Variants in ECT2L observed in about 807,000 individuals in gnomAD.
ECT2L encodes epithelial cell-transforming sequence 2 oncogene-like.
A neutral mutation model predicts 122.8 loss-of-function variants in ECT2L; 126 were observed. The ratio of observed to expected loss-of-function variants is 1.03; its 90% confidence interval spans 0.89 to 1.19. The LOEUF (loss-of-function observed/expected upper bound fraction) is 1.19, where lower values mean the gene tolerates loss of function less well. ECT2L is among the 50% of genes most tolerant of loss of function. The pLI, the probability that ECT2L is intolerant of heterozygous loss-of-function variation, is 0.00. For synonymous variants in ECT2L, 385 were observed against 381.8 expected (o/e 1.01, Z -0.10); for missense variants, 1,012 against 1,064.1 (o/e 0.95, Z 0.68).
intron 20 of ECT2L, among the ~76,000 whole-genome samples, chr6:138,892,137 T>C (rs899505322): frequency 2.0e-5 from 3 of 152,204 alleles, no homozygotes; most frequent in African/African-American, 4.8e-5. Context: ...CCCTACCCGA[T>C]ACCCCTACTT....
chr6:138,899,145 C>G (rs886322136), intron 20 of ECT2L, among the ~76,000 whole-genome samples: 1 of 141,458 alleles, frequency 7.1e-6, no homozygotes, highest in Non-Finnish European at 1.5e-5. Context: ...TTCACAGTGG[C>G]AATACAGAAA....
chr6:138,821,881 C>T (rs1458951161), intron 4 of ECT2L, among the ~76,000 whole-genome samples: 8 of 152,214 alleles, frequency 5.3e-5, no homozygotes, highest in Non-Finnish European at 5.9e-5. Context: ...GAAGAGGCTC[C>T]ACTGCTGGGT....
intron 1 of ECT2L, among the ~76,000 whole-genome samples, chr6:138,812,129 C>T (rs1015558104): frequency 3.9e-5 from 6 of 152,204 alleles, no homozygotes; most frequent in Admixed American, 6.5e-5. Flanking sequence ...AGAAAGTCCA[C>T]GTGAGGACAC....
intron 12 of ECT2L, 91 bp downstream of exon 12, chr6:138,865,269 AT>A: frequency 7.7e-7 from 1 of 1,297,624 alleles, no homozygotes; most frequent in Non-Finnish European, 1.0e-6. Flanking sequence ...CGCAAGTAAA[AT>A]TTTACTCTTG....
At chr6:138,816,099 T>C (rs534873338) in intron 4 of ECT2L, among the ~76,000 whole-genome samples, 87 of 152,336 alleles carry the variant, frequency 5.7e-4, no homozygotes, top group African/African-American at 2.1e-3. Flanking sequence ...TGATAGTCAT[T>C]GGCTATGTTT....
intron 7 of ECT2L, among the ~76,000 whole-genome samples, chr6:138,845,754 A>C (rs1025608018): frequency 3.3e-5 from 5 of 152,088 alleles, no homozygotes; most frequent in Admixed American, 1.3e-4. Flanking sequence ...GTGCATGTAC[A>C]TTTACTTGTT....
chr6:138,882,653 G>A, intron 15 of ECT2L, 71 bp from the exon 16 acceptor site: 1 of 1,565,136 alleles, frequency 6.4e-7, no homozygotes, highest in Non-Finnish European at 8.7e-7. Context: ...CCATGCTGAT[G>A]ACAATGGATA....
intron 4 of ECT2L, among the ~76,000 whole-genome samples, chr6:138,836,724 G>T (rs966398286): frequency 6.6e-6 from 1 of 151,828 alleles, no homozygotes; most frequent in South Asian, 2.1e-4. Context: ...TCATTCATGG[G>T]TATATTTATA....
rs761244059 is a variant in ECT2L at position 138,903,861 on chromosome 6, T to C, written c.*1234T>C. ...GGAAGCTTGAGGTTGTCAGTTTCCCTTGTTCTTCAAATTCTTGTTTACAGT... is the reference window on the plus strand; with the variant it reads ...GGAAGCTTGAGGTTGTCAGTTTCCCCTGTTCTTCAAATTCTTGTTTACAGT... On this transcript the variant is annotated 3_prime_UTR_variant, in exon 22 of 22. Coordinates refer to ENST00000541398, the MANE Select transcript of ECT2L (RefSeq NM_001077706.3). 7.9e-5 allele frequency: 12 copies of C among 152,222 alleles called. No individual in the cohort carries two copies. The highest frequency in any genetic ancestry group is 1.8e-4 in the Non-Finnish European group (12 of 68,024). The allele number at this position is 152,222 out of a possible 1,614,324, so 9.4% of individuals were successfully genotyped here. A position where few individuals can be genotyped will look rare whatever the true frequency, so the allele number is the denominator to read the frequency against.
intron 4 of ECT2L, among the ~76,000 whole-genome samples, chr6:138,817,440 T>C (rs1007298972): frequency 3.3e-5 from 5 of 152,226 alleles, no homozygotes; most frequent in Non-Finnish European, 5.9e-5. Context: ...ATTTGAATAC[T>C]TGAAATGTTT....
At chr6:138,842,460 CA>C (rs564363081) in intron 5 of ECT2L, among the ~76,000 whole-genome samples, 26 of 143,468 alleles carry the variant, frequency 1.8e-4, no homozygotes, top group East Asian at 2.0e-4. Context: ...GACTCCATCT[CA>C]AAAAAAAAAC....
chr6:138,902,651 G>C lies in ECT2L; in HGVS notation c.*24G>C, dbSNP rs778704697. Reference sequence around the variant, plus strand: ...GAGACCGAACTTGAAAACTTCAGGGGTGCCAATTCTCCCCAGCAAAGACAG... The same window carrying C: ...GAGACCGAACTTGAAAACTTCAGGGCTGCCAATTCTCCCCAGCAAAGACAG... On this transcript the variant is annotated 3_prime_UTR_variant, in exon 22 of 22. Transcript: ENST00000541398. 3 of 1,611,924 alleles carry C rather than the reference G, an allele frequency of 1.9e-6. No homozygotes were observed. The African/African-American group carries it at 4.0e-5, about 22-fold the overall frequency.
Position 138,824,810 on chromosome 6 carries a change from T to C in ECT2L, c.179+10207T>C, listed in dbSNP as rs559150606. Among the ~76,000 whole-genome samples the C allele has an allele frequency of 8.3e-4, 126 of 152,300 alleles. 1 individual carries two copies. In the South Asian group the frequency reaches 0.025, roughly 30 times the overall value. ...ACTCCACTATCATCACCTGATCTGGTTGCCTGTGTTGTTGCCAAAATAGCT... is the reference window on the plus strand; with the variant it reads ...ACTCCACTATCATCACCTGATCTGGCTGCCTGTGTTGTTGCCAAAATAGCT... On this transcript the variant is annotated intron_variant, in intron 4 of 21. Coordinates refer to ENST00000541398, the MANE Select transcript of ECT2L (RefSeq NM_001077706.3).
Position 138,868,194 on chromosome 6 carries a change from A to G in ECT2L, c.1566A>G (p.Ser522=), listed in dbSNP as rs781430384. 13 of 1,612,084 alleles carry G rather than the reference A, an allele frequency of 8.1e-6. No individual in the cohort carries two copies. The Admixed American group carries it at 2.2e-4, about 27-fold the overall frequency. The change falls in exon 13 of 22, where the codon TCA becomes TCG. Residue 522 remains serine (S), a synonymous_variant. Coordinates refer to ENST00000541398, the MANE Select transcript of ECT2L (RefSeq NM_001077706.3). Reference sequence around the variant, plus strand: ...TGGCAGATGGATTGATGGAGTTGTCAAAAGAAGATTCTGTAAGTGTTTCTT... The same window carrying G: ...TGGCAGATGGATTGATGGAGTTGTCGAAAGAAGATTCTGTAAGTGTTTCTT... The part of the protein sequence containing the change: ...QALADGLMEL[S]KEDSERNVVE...
intron 4 of ECT2L, among the ~76,000 whole-genome samples, chr6:138,832,264 T>C (rs1376110088): frequency 6.6e-6 from 1 of 152,116 alleles, no homozygotes; most frequent in Non-Finnish European, 1.5e-5. Flanking sequence ...TTTCAGCATG[T>C]TTATGTTAAA....
rs373301762 is a variant in ECT2L at position 138,882,777 on chromosome 6, G to T, written c.1934G>T (p.Cys645Phe). The change falls in exon 16 of 22, where the codon TGT becomes TTT. Residue 645 changes from cysteine (C) to phenylalanine (F), a missense_variant. Coordinates refer to ENST00000541398, the MANE Select transcript of ECT2L (RefSeq NM_001077706.3). ...CTGCAGGAATGGGGCCCAGCTCACT[G>T]TGTGGGAGAAATAGTCACGAAGTTT... ...DRLQEWGPAH[C>F]VGEIVTKFGS... 1.9e-4 allele frequency: 302 copies of T among 1,614,110 alleles called. No individual in the cohort carries two copies. The highest frequency in any genetic ancestry group is 2.4e-4 in the Non-Finnish European group (289 of 1,180,040).
chr6:138,814,651 C>A (rs943899554), intron 4 of ECT2L, 48 bp downstream of exon 4: 8 of 1,176,276 alleles, frequency 6.8e-6, no homozygotes, highest in East Asian at 2.5e-5. Flanking sequence ...TAAAGAAAAC[C>A]GTATATAAAT....
chr6:138,891,817 C>G (rs1489566884), intron 20 of ECT2L, among the ~76,000 whole-genome samples: 1 of 150,794 alleles, frequency 6.6e-6, no homozygotes, highest in Non-Finnish European at 1.5e-5. Context: ...CTATTTTACA[C>G]AGTTTGACTC....
chr6:138,883,166 T>C (rs965103190), intron 16 of ECT2L, among the ~76,000 whole-genome samples: 9 of 152,214 alleles, frequency 5.9e-5, no homozygotes, highest in Admixed American at 2.0e-4. Flanking sequence ...ACAGTTGAGC[T>C]TGGAATCCAC....
Sources: allele counts gnomAD v4.1 joint callset (sites outside exome capture counted in the v4.1 genomes callset), GRCh38; gene constraint gnomAD v4.1.1; transcripts MANE v1.5; gene names NCBI Gene and HGNC (gene_info 2026-07-23, HGNC 2026-07-21).